The following KCNG3 variants were observed in gnomAD, a reference collection of about 807,000 sequenced individuals.
KCNG3 encodes the protein potassium voltage-gated channel modifier subfamily G member 3, also known as voltage-gated potassium channel regulatory subunit KCNG3.
In KCNG3, 15 loss-of-function variants were observed where a neutral mutation model predicts 29.0. The observed-to-expected ratio is 0.52, with a 90% confidence interval of 0.35 to 0.80. The LOEUF is 0.80. Among genes scored for constraint, KCNG3 ranks in the 30% least tolerant of loss-of-function variants. The pLI is 0.01. For synonymous variants in KCNG3, 322 were observed against 248.9 expected (o/e 1.29, Z -2.76); for missense variants, 512 against 605.7 (o/e 0.85, Z 1.62).
At position 42,444,130 on chromosome 2, in the gene KCNG3, G is replaced by C. The variant is rs1672546182; in HGVS notation, c.1115C>G (p.Thr372Ser). The C allele has an allele frequency of 1.9e-6, 3 of 1,614,186 alleles. No individual in the cohort carries two copies. The highest frequency in any genetic ancestry group is 2.5e-6 in the Non-Finnish European group (3 of 1,180,034). ...AACWWVIISM[T>S]TVGYGDMYPI... ...ATACATATCTCCATAGCCAACTGTA[G>C]TCATAGAGATAATCACCCACCAGCA... The change falls in exon 2 of 2, where the codon ACT becomes AGT. Residue 372 changes from threonine to serine, a missense_variant. Around this residue, in one of 5 missense-constraint regions of KCNG3, gnomAD observed 173 missense variants for 262.4 expected, o/e 0.66. Transcript: ENST00000306078. This position sits in a 1 kb window ranked among gnomAD's most constrained non-coding sequence, Gnocchi z 5.8.
At chr2:42,432,352 T>A in the KCNG3 span, among the ~76,000 whole-genome samples, 2 of 152,234 alleles carry the variant, frequency 1.3e-5, no homozygotes, top group Non-Finnish European at 2.9e-5. Context: ...CAGTGGTACT[T>A]GTGCTCACTG....
At chr2:42,425,274 C>A in the KCNG3 span, among the ~76,000 whole-genome samples, 6 of 151,502 alleles carry the variant, frequency 4.0e-5, no homozygotes, top group East Asian at 9.7e-4. Context: ...GGTGGCGCGC[C>A]TGTAGTCCAA....
rs70963315 is a variant in KCNG3 at position 42,452,796 on chromosome 2, T to TG, written c.666-8218_666-8217insC. On this transcript the variant is annotated intron_variant, in intron 1 of 1. Coordinates refer to ENST00000306078, the MANE Select transcript of KCNG3 (RefSeq NM_133329.6). ...GTGTGTGTGTGTGTGTGTGTGTGTG[T>TG]TTTGAGATGAAGTCTCACTCTGTCA... 4.0e-5 allele frequency among the ~76,000 whole-genome samples: 6 copies of TG among 151,212 alleles called. No individual in the cohort carries two copies. The East Asian group carries it at 5.8e-4, about 15-fold the overall frequency.
chr2:42,459,151 G>A (rs948356121), intron 1 of KCNG3, among the ~76,000 whole-genome samples: 3 of 149,148 alleles, frequency 2.0e-5, no homozygotes, highest in South Asian at 4.2e-4. Context: ...AGCCAAGATC[G>A]CACCACTGCA....
intron 1 of KCNG3, among the ~76,000 whole-genome samples, chr2:42,481,059 G>C (rs888024773): frequency 6.6e-6 from 1 of 152,186 alleles, no homozygotes; most frequent in Non-Finnish European, 1.5e-5. Flanking sequence ...GGGATTTCAG[G>C]CATGAGCCAC....
chr2:42,478,661 G>A (rs1284112152), intron 1 of KCNG3, among the ~76,000 whole-genome samples: 1 of 152,126 alleles, frequency 6.6e-6, no homozygotes, highest in Non-Finnish European at 1.5e-5. Flanking sequence ...GACACCCCAG[G>A]CTGTGTTAGT....
At chr2:42,408,888 A>G in the KCNG3 span, among the ~76,000 whole-genome samples, 1,878 of 152,160 alleles carry the variant, frequency 0.012, 37 homozygotes, top group African/African-American at 0.042. Flanking sequence ...CAGGGCTGTG[A>G]TTCCCTCTTT....
intron 1 of KCNG3, among the ~76,000 whole-genome samples, chr2:42,479,695 T>C (rs989187884): frequency 3.4e-5 from 5 of 147,810 alleles, no homozygotes; most frequent in Non-Finnish European, 6.0e-5. Context: ...GTGGCATAAA[T>C]GAGGCTTAAG....
At chr2:42,439,393 C>T (rs894068338), downstream of KCNG3, among the ~76,000 whole-genome samples, 2 of 151,676 alleles carry the variant, frequency 1.3e-5, no homozygotes, top group Non-Finnish European at 2.9e-5. Context: ...TTCTGCGTAG[C>T]TGGGATTACA....
chr2:42,428,054 G>A, the KCNG3 span, among the ~76,000 whole-genome samples: 1 of 152,054 alleles, frequency 6.6e-6, no homozygotes, highest in African/African-American at 2.4e-5. Flanking sequence ...TTATTAAATA[G>A]TCTGATGCAA....
chr2:42,457,668 C>A (rs1442004532), intron 1 of KCNG3, among the ~76,000 whole-genome samples: 1 of 149,602 alleles, frequency 6.7e-6, no homozygotes, highest in Non-Finnish European at 1.5e-5. Context: ...CACACACACA[C>A]AAGGCTGGGC....
chr2:42,470,787 G>A (rs1298269314), intron 1 of KCNG3, among the ~76,000 whole-genome samples: 1 of 151,970 alleles, frequency 6.6e-6, no homozygotes, highest in African/African-American at 2.4e-5. Flanking sequence ...GACATGGGAG[G>A]CTGAGGCTGC....
At chr2:42,463,345 CCTGA>C (rs76046426) in intron 1 of KCNG3, 150,953 of 175,078 alleles carry the variant, frequency 0.86, 65,117 homozygotes, top group Middle Eastern at 0.93. Context: ...GTTATTGTTT[CCTGA>C]TGAAGTGAGT....
At chr2:42,394,584 T>C in the KCNG3 span, among the ~76,000 whole-genome samples, 2 of 152,200 alleles carry the variant, frequency 1.3e-5, no homozygotes, top group Admixed American at 1.3e-4. Context: ...ACTGCTCCCA[T>C]TCTATTCAAA....
chr2:42,445,886 G>C (rs928048289), intron 1 of KCNG3, among the ~76,000 whole-genome samples: 39 of 151,534 alleles, frequency 2.6e-4, no homozygotes, highest in Admixed American at 3.3e-4. Flanking sequence ...GCCACCATGC[G>C]TGACTAATTT....
intron 1 of KCNG3, among the ~76,000 whole-genome samples, chr2:42,477,005 G>A (rs1673442411): frequency 1.4e-5 from 2 of 145,602 alleles, no homozygotes; most frequent in South Asian, 4.8e-4. Flanking sequence ...CTAACACGGT[G>A]AAACCCCGTC....
chr2:42,393,340 C>T, the KCNG3 span, among the ~76,000 whole-genome samples: 240 of 151,344 alleles, frequency 1.6e-3, 2 homozygotes, highest in African/African-American at 5.6e-3. Context: ...GTGGGCAGAT[C>T]ACTTGAGGTC....
At chr2:42,405,471 C>G in the KCNG3 span, among the ~76,000 whole-genome samples, 1 of 151,428 alleles carries the variant, frequency 6.6e-6, no homozygotes, top group African/African-American at 2.4e-5. Flanking sequence ...CGGCGTCTCA[C>G]TCTGTTTCCC....
intron 1 of KCNG3, among the ~76,000 whole-genome samples, chr2:42,469,332 G>T (rs1030562286): frequency 6.6e-6 from 1 of 150,916 alleles, no homozygotes; most frequent in East Asian, 1.9e-4. Flanking sequence ...CAGAAGAATC[G>T]CTTGAACCCA....
Sources: gnomAD v4.1 joint callset for allele counts (sites outside exome capture counted in the v4.1 genomes callset) on GRCh38, gnomAD v4.1.1 for gene constraint, gnomAD v4.1.1 regional missense constraint, Gnocchi (gnomAD v3.1) non-coding constraint, MANE v1.5 for transcripts, NCBI Gene and HGNC (gene_info 2026-07-23, HGNC 2026-07-21) for gene names.